Variants in IBA57 observed in about 807,000 individuals in gnomAD.
IBA57 encodes iron-sulfur cluster assembly factor IBA57.
IBA57 carries 20 observed loss-of-function variants against 20.4 expected under a neutral mutation model. The observed-to-expected ratio is 0.98, with a 90% CI of 0.69 to 1.42. The LOEUF (loss-of-function observed/expected upper bound fraction) is 1.42, where lower values mean the gene tolerates loss of function less well. IBA57 is among the 40% of genes most tolerant of loss of function. The probability of loss-of-function intolerance (pLI) is 0.00; values close to 1 mark genes in which losing one functional copy is unlikely to be tolerated. For missense variants in IBA57, 608 were observed against 499.3 expected (o/e 1.22, Z -2.07); for synonymous variants, 310 against 233.9 (o/e 1.33, Z -2.97).
chr1:228,166,307 G>A, intron 1 of IBA57, 150 bp downstream of exon 1: 2 of 504,490 alleles, frequency 4.0e-6, no homozygotes, highest in Non-Finnish European at 6.6e-6. Context: ...AAGCTCAAGG[G>A]TGGGTGGGCC....
At position 228,181,327 on chromosome 1, in the gene IBA57, T is replaced by C. The variant is rs2035108880; in HGVS notation, c.*5814T>C. 1 of 152,236 alleles carries C rather than the reference T, an allele frequency of 6.6e-6. No individual in the cohort carries two copies. The allele number at this position is 152,236 out of a possible 1,614,324, so 9.4% of individuals were successfully genotyped here. A position where few individuals can be genotyped will look rare whatever the true frequency, so the allele number is the denominator to read the frequency against. On this transcript the variant is annotated 3_prime_UTR_variant, in exon 3 of 3. Coordinates refer to ENST00000366711, the MANE Select transcript of IBA57 (RefSeq NM_001010867.4). ...AGGTATTCTCTTGTAGCAGCACAAA[T>C]GGAGGCAGACACTTCCTTCACCAAT... is the stretch of plus-strand genomic sequence containing the variant.
intron 1 of IBA57, among the ~76,000 whole-genome samples, chr1:228,167,355 CTTT>C (rs56835417): frequency 6.2e-4 from 77 of 123,576 alleles, no homozygotes; most frequent in Non-Finnish European, 7.5e-4. Flanking sequence ...TCTGGGGCTT[CTTT>C]TTTTTTTTTT....
intron 1 of IBA57, among the ~76,000 whole-genome samples, chr1:228,174,100 C>T (rs1282484886): frequency 6.6e-6 from 1 of 152,096 alleles, no homozygotes. Context: ...TTGGGAGGTG[C>T]TGCCTGGTGT....
chr1:228,174,167 G>GTGAC (rs1443547243), intron 1 of IBA57, among the ~76,000 whole-genome samples: 4 of 131,598 alleles, frequency 3.0e-5, no homozygotes, highest in South Asian at 2.7e-4. Context: ...CTCGCTGTGG[G>GTGAC]CGTGGCTCGC....
At chr1:228,169,530 A>T (rs2034896915) in intron 1 of IBA57, among the ~76,000 whole-genome samples, 1 of 152,160 alleles carries the variant, frequency 6.6e-6, no homozygotes. Context: ...ACAACTGATG[A>T]ACCTCTGTTG....
chr1:228,170,711 C>T lies in IBA57; in HGVS notation c.342-3981C>T, dbSNP rs994013642. Reference sequence around the variant, plus strand: ...TCCAGTGGCCTTGCTGCGAGCTGGCCGGGGCAAGGATGTGGACTCAGTGCA... The same window carrying T: ...TCCAGTGGCCTTGCTGCGAGCTGGCTGGGGCAAGGATGTGGACTCAGTGCA... On this transcript the variant is annotated intron_variant, in intron 1 of 2. Transcript: ENST00000366711. This position sits in a 1 kb window ranked among gnomAD's most constrained non-coding sequence, Gnocchi z 4.8. Among the ~76,000 whole-genome samples, 3 of 152,210 alleles carry T rather than the reference C, an allele frequency of 2.0e-5. No homozygotes were observed. Among genetic ancestry groups the T allele is most frequent in the South Asian group, 2.1e-4 (1 of 4,814 alleles).
rs2035121252 is a variant in IBA57 at position 228,182,181 on chromosome 1, T to C, written c.*6668T>C. 1 of 135,978 alleles carries C rather than the reference T, an allele frequency of 7.4e-6. No homozygotes were observed. The highest frequency in any genetic ancestry group is 7.3e-5 in the Admixed American group (1 of 13,738). The allele number at this position is 135,978 out of a possible 1,614,324, so 8.4% of individuals were successfully genotyped here. A position where few individuals can be genotyped will look rare whatever the true frequency, so the allele number is the denominator to read the frequency against. On this transcript the variant is annotated 3_prime_UTR_variant, in exon 3 of 3. Transcript: ENST00000366711. ...TGAGCTCTGGTCCATCTTTCATTGA[T>C]TCATTCATTTCTTCATTCATTCAAC... is the stretch of plus-strand genomic sequence containing the variant.
In IBA57 at chr1:228,166,120, GT is replaced by G; in HGVS notation, c.305del (p.Val102GlyfsTer149). 6.5e-7 allele frequency: 1 copy of G among 1,536,296 alleles called. No individual in the cohort carries two copies. The highest frequency in any genetic ancestry group is 2.5e-5 in the East Asian group (1 of 40,022). ...ARAGYAHFLN[V>X]QGRTLYDVIL... Reference sequence around the variant, plus strand: ...CGCGGGCTACGCCCACTTCCTGAACGTGCAGGGCCGGACGCTCTATGACGTC... The same window carrying G: ...CGCGGGCTACGCCCACTTCCTGAACGGCAGGGCCGGACGCTCTATGACGTC... On this transcript the variant is annotated frameshift_variant, in exon 1 of 3. Coordinates refer to ENST00000366711, the MANE Select transcript of IBA57 (RefSeq NM_001010867.4). LOFTEE classifies it high-confidence loss of function.
Position 228,174,879 on chromosome 1 carries a change from G to T in IBA57, c.529G>T (p.Glu177Ter). ...PEACGAASLQ[E>*]RAGAAAILIR... ...GGCCTGCGGGGCTGCATCGCTGCAGGAGAGGGCAGGGGCTGCCGCCATCCT... is the reference window on the plus strand; with the variant it reads ...GGCCTGCGGGGCTGCATCGCTGCAGTAGAGGGCAGGGGCTGCCGCCATCCT... Residue 177 changes from glutamate (E) to a stop codon, truncating the protein, a stop_gained, in exon 2 of 3, where the codon GAG becomes TAG. Transcript: ENST00000366711. LOFTEE classifies it high-confidence loss of function. 1 of 1,608,774 alleles carries T rather than the reference G, an allele frequency of 6.2e-7. No homozygotes were observed.
rs993903008 is a variant in IBA57, at chr1:228,175,772, G to A, written c.*259G>A. The A allele has an allele frequency of 1.7e-5, 7 of 403,994 alleles. No homozygotes were observed. The highest frequency in any genetic ancestry group is 1.0e-4 in the South Asian group (2 of 19,268). The allele number at this position is 403,994 out of a possible 1,614,324, so 25.0% of individuals were successfully genotyped here. On this transcript the variant is annotated 3_prime_UTR_variant, in exon 3 of 3. Coordinates refer to ENST00000366711, the MANE Select transcript of IBA57 (RefSeq NM_001010867.4). ...GTGTGAGTGCTGGGCTCCAGATGGC[G>A]CCGGGTCCCAATCGTGGCTCCACAC...
Position 228,174,776 on chromosome 1 carries a change from A to C in IBA57, c.426A>C (p.Leu142=), listed in dbSNP as rs772067451. ...VQGALQKHLA[L]YRIRRKVTVE... is the part of the protein sequence containing the mutation. ...GCGCGCTGCAGAAGCACCTCGCGCT[A>C]TACAGGATCCGGCGGAAGGTCACGG... Residue 142 remains leucine (L), a synonymous_variant, in exon 2 of 3, where the codon CTA becomes CTC. Coordinates refer to ENST00000366711, the MANE Select transcript of IBA57 (RefSeq NM_001010867.4). 1 of 1,610,518 alleles carries C rather than the reference A, an allele frequency of 6.2e-7. No individual in the cohort carries two copies.
chr1:228,174,697 A>G lies in IBA57; in HGVS notation c.347A>G (p.Gln116Arg), dbSNP rs1227833145. The G allele has an allele frequency of 1.9e-6, 3 of 1,560,666 alleles. No homozygotes were observed. The highest frequency in any genetic ancestry group is 2.6e-6 in the Non-Finnish European group (3 of 1,155,240). ...CCCTGCCTCTCTCCCTGCAGGCTCC[A>G]GGAACACTCGGAGGTGTCTGGCTTC... Reference protein sequence around the residue: ...TLYDVILYGLQEHSEVSGFLL... With the variant: ...TLYDVILYGLREHSEVSGFLL... Residue 116 changes from glutamine to arginine, a missense_variant, in exon 2 of 3, where the codon CAG becomes CGG. Coordinates refer to ENST00000366711, the MANE Select transcript of IBA57 (RefSeq NM_001010867.4).
Position 228,181,011 on chromosome 1 carries a change from G to A in IBA57, c.*5498G>A, listed in dbSNP as rs1053949705. ...TCTTGTCCCCAAGTAGCTGGGATTG[G>A]GGCATGAGGCACTGTGCTAACTTCA... On this transcript the variant is annotated 3_prime_UTR_variant, in exon 3 of 3. Coordinates refer to ENST00000366711, the MANE Select transcript of IBA57 (RefSeq NM_001010867.4). 5 of 151,952 alleles carry A rather than the reference G, an allele frequency of 3.3e-5. No individual in the cohort carries two copies. The highest frequency in any genetic ancestry group is 2.1e-4 in the South Asian group (1 of 4,804). 9.4% of individuals were successfully genotyped at this position (151,952 alleles called of 1,614,324 possible).
At chr1:228,168,620 G>T (rs528669821) in intron 1 of IBA57, among the ~76,000 whole-genome samples, 3 of 152,130 alleles carry the variant, frequency 2.0e-5, no homozygotes, top group Admixed American at 6.5e-5. Context: ...CATTGTGGGG[G>T]TCTCTGTCCT....
chr1:228,166,796 C>G (rs913092549), intron 1 of IBA57, among the ~76,000 whole-genome samples: 1 of 152,244 alleles, frequency 6.6e-6, no homozygotes, highest in Non-Finnish European at 1.5e-5. Context: ...TTCCAGGGAC[C>G]TGGATCCCTG....
In IBA57 at chr1:228,175,230, A is replaced by G. The variant is rs2124977146; in HGVS notation, c.788A>G (p.Gln263Arg). 6.2e-7 allele frequency: 1 copy of G among 1,612,854 alleles called. No homozygotes were observed. The highest frequency in any genetic ancestry group is 8.5e-7 in the Non-Finnish European group (1 of 1,179,986). ...TTCACCAAAGGCTGCTACATTGGCC[A>G]GGAGCTGACGGCCCGCACCCACCAC... is the stretch of plus-strand genomic sequence containing the variant. ...VSFTKGCYIG[Q>R]ELTARTHHMG... Residue 263 changes from glutamine (Q) to arginine (R), a missense_variant, in exon 3 of 3, where the codon CAG becomes CGG. Coordinates refer to ENST00000366711, the MANE Select transcript of IBA57 (RefSeq NM_001010867.4).
In IBA57 at chr1:228,169,526, G is replaced by A. The variant is rs367990832; in HGVS notation, c.341+3369G>A. On this transcript the variant is annotated intron_variant, in intron 1 of 2. Coordinates refer to ENST00000366711, the MANE Select transcript of IBA57 (RefSeq NM_001010867.4). ...CCAGAGTGCTATTTTCGTCACAACT[G>A]ATGAACCTCTGTTGACATGCCATCA... 4.6e-5 allele frequency among the ~76,000 whole-genome samples: 7 copies of A among 152,238 alleles called. No homozygotes were observed. The East Asian group carries it at 1.4e-3, about 29-fold the overall frequency.
At position 228,175,522 on chromosome 1, in the gene IBA57, C is replaced by T. The variant is rs776303401; in HGVS notation, c.*9C>T. The T allele has an allele frequency of 1.3e-6, 2 of 1,546,278 alleles. No homozygotes were observed. Among genetic ancestry groups the T allele is most frequent in the Non-Finnish European group, 1.7e-6 (2 of 1,144,692 alleles). On this transcript the variant is annotated 3_prime_UTR_variant, in exon 3 of 3. Transcript: ENST00000366711. ...CTACAGTCTCCAAGTAGTCCGAAGC[C>T]TTGGCTGGCGCAGGCTGATGGGGAG...
chr1:228,175,885 A>C lies in IBA57; in HGVS notation c.*372A>C. 5.3e-6 allele frequency: 1 copy of C among 187,328 alleles called. No individual in the cohort carries two copies. 11.6% of individuals were successfully genotyped at this position (187,328 alleles called of 1,614,324 possible). A position where few individuals can be genotyped will look rare whatever the true frequency, so the allele number is the denominator to read the frequency against. ...CCCCACTCTGCCTGGCATGAGCCTC[A>C]TGGGGGGTTGGTCCCTGTGCCTGGA... On this transcript the variant is annotated 3_prime_UTR_variant, in exon 3 of 3. Transcript: ENST00000366711.
Sources: gnomAD v4.1 joint callset for allele counts (sites outside exome capture counted in the v4.1 genomes callset) on GRCh38, gnomAD v4.1.1 for gene constraint, Gnocchi (gnomAD v3.1) non-coding constraint, MANE v1.5 for transcripts, NCBI Gene and HGNC (gene_info 2026-07-23, HGNC 2026-07-21) for gene names.